The following CHN2 variants were observed in gnomAD, a reference collection of about 807,000 sequenced individuals.
CHN2 encodes the protein beta-chimaerin.
In CHN2, 35 loss-of-function variants were observed where a neutral mutation model predicts 56.3. The observed-to-expected ratio is 0.62, with a 90% CI of 0.47 to 0.82. The LOEUF is 0.82. CHN2 is among the 40% of genes least tolerant of loss of function. The pLI, the probability that CHN2 is intolerant of heterozygous loss-of-function variation, is 0.00. For missense variants in CHN2, 491 were observed against 580.5 expected, an observed-to-expected ratio of 0.85 and a Z score of 1.58; for synonymous variants, 210 against 212.8, an observed-to-expected ratio of 0.99 and a Z score of 0.12.
chr7:29,254,994 C>T (rs1385885389), intron 1 of CHN2, among the ~76,000 whole-genome samples: 1 of 152,120 alleles, frequency 6.6e-6, no homozygotes, highest in Non-Finnish European at 1.5e-5. Context: ...GCGTGCAGGT[C>T]ATAGAGTGGT....
intron 1 of CHN2, among the ~76,000 whole-genome samples, chr7:29,343,989 G>T (rs565169169): frequency 6.6e-6 from 1 of 152,154 alleles, no homozygotes; most frequent in Non-Finnish European, 1.5e-5. Flanking sequence ...CCCTTTCTGT[G>T]AATGGCATCA....
chr7:29,383,307 T>C (rs1800668847), intron 3 of CHN2, among the ~76,000 whole-genome samples: 2 of 152,122 alleles, frequency 1.3e-5, no homozygotes. Context: ...GCTGATGGTG[T>C]TGATTCCAGT....
intron 6 of CHN2, among the ~76,000 whole-genome samples, chr7:29,412,518 G>C (rs1330098338): frequency 6.6e-6 from 1 of 151,752 alleles, no homozygotes; most frequent in Non-Finnish European, 1.5e-5. Flanking sequence ...TTTTAGTAGA[G>C]ACAGGTTTCA....
intron 3 of CHN2, among the ~76,000 whole-genome samples, chr7:29,379,795 C>T (rs190537076): frequency 6.6e-6 from 1 of 152,140 alleles, no homozygotes; most frequent in African/African-American, 2.4e-5. Context: ...GTCGAAAACA[C>T]TATAAGCCAT....
intron 3 of CHN2, among the ~76,000 whole-genome samples, chr7:29,378,638 G>T (rs1481462446): frequency 1.3e-5 from 2 of 152,190 alleles, no homozygotes; most frequent in African/African-American, 2.4e-5. Flanking sequence ...AAAAAAGTTT[G>T]CCGACCCCTG....
At position 29,509,382 on chromosome 7, in the gene CHN2, G is replaced by A. The variant is rs201722294; in HGVS notation, c.1211G>A (p.Arg404Gln). The A allele has an allele frequency of 1.6e-5, 26 of 1,613,770 alleles. No homozygotes were observed. Among genetic ancestry groups the A allele is most frequent in the Middle Eastern group, 1.6e-4 (1 of 6,062 alleles). The change falls in exon 12 of 13, where the codon CGG becomes CAG. Residue 404 changes from arginine to glutamine, a missense_variant. Coordinates refer to ENST00000222792, the MANE Select transcript of CHN2 (RefSeq NM_004067.4). The stretch of plus-strand genomic sequence containing the variant: ...CCTCCTGCCCACTATGAAACCCTCC[G>A]GTACCTAATGATCCACCTCAAAAAG... Reference protein sequence around the residue: ...LLPPAHYETLRYLMIHLKKVT... With the variant: ...LLPPAHYETLQYLMIHLKKVT...
intron 1 of CHN2, among the ~76,000 whole-genome samples, chr7:29,233,424 CA>C (rs1264053125): frequency 6.6e-6 from 1 of 152,166 alleles, no homozygotes; most frequent in Non-Finnish European, 1.5e-5. Context: ...GTGCTCAAAA[CA>C]GGTGTGAAGT....
chr7:29,180,248 G>A (rs76701628), intron 2 of CHN2, among the ~76,000 whole-genome samples: 1,775 of 152,204 alleles, frequency 0.012, 21 homozygotes, highest in African/African-American at 0.037. Flanking sequence ...CATCTAGGCC[G>A]GGTGTGGTGG....
chr7:29,224,820 C>T (rs1786069248), intron 1 of CHN2, among the ~76,000 whole-genome samples: 1 of 152,120 alleles, frequency 6.6e-6, no homozygotes, highest in South Asian at 2.1e-4. Flanking sequence ...TTGTTATATG[C>T]CTTATGCCAT....
chr7:29,387,338 T>C (rs927488678), intron 3 of CHN2, among the ~76,000 whole-genome samples: 17 of 152,234 alleles, frequency 1.1e-4, no homozygotes, highest in Admixed American at 3.9e-4. Flanking sequence ...AATAATCTAC[T>C]CAGAGTCCCA....
At chr7:29,212,293 A>G (rs1345608557) in intron 1 of CHN2, 14 of 1,162,650 alleles carry the variant, frequency 1.2e-5, no homozygotes, top group South Asian at 3.7e-5. Context: ...CTCTTCCTCA[A>G]TACTAACATG....
Position 29,167,949 on chromosome 7 carries a change from C to G in CHN2, c.274+20989C>G, listed in dbSNP as rs138814622. 3.5e-4 allele frequency among the ~76,000 whole-genome samples: 53 copies of G among 152,296 alleles called. 1 individual carries two copies. Among genetic ancestry groups the G allele is most frequent in the African/African-American group, 1.1e-3 (45 of 41,570 alleles). On this transcript the variant is annotated intron_variant, in intron 2 of 6. Coordinates refer to the CHN2 transcript ENST00000439384. The stretch of plus-strand genomic sequence containing the variant: ...AGGAGGCCTACAACATCGGAGGTAA[C>G]TGTTGTGTGACCCTGGGAACATGAG...
intron 1 of CHN2, among the ~76,000 whole-genome samples, chr7:29,318,780 C>T (rs946517512): frequency 6.6e-6 from 1 of 152,274 alleles, no homozygotes; most frequent in East Asian, 1.9e-4. Flanking sequence ...TAACAAATAG[C>T]TATTACCTTT....
chr7:29,271,637 C>CA (rs1335958423), intron 1 of CHN2, among the ~76,000 whole-genome samples: 2 of 152,176 alleles, frequency 1.3e-5, no homozygotes, highest in South Asian at 2.1e-4. Context: ...AAGGAAGAAA[C>CA]AGAGTGACTT....
chr7:29,362,314 G>A (rs1035910636), intron 2 of CHN2, among the ~76,000 whole-genome samples: 3 of 152,154 alleles, frequency 2.0e-5, no homozygotes, highest in Admixed American at 2.0e-4. Flanking sequence ...AGGCAACCCC[G>A]CTACCTTATT....
intron 1 of CHN2, among the ~76,000 whole-genome samples, chr7:29,285,765 C>A (rs1404738876): frequency 2.0e-5 from 3 of 152,164 alleles, no homozygotes; most frequent in Non-Finnish European, 4.4e-5. Flanking sequence ...TTATGTCATC[C>A]AACAATATTG....
At chr7:29,179,120 G>C (rs1797745414) in intron 2 of CHN2, among the ~76,000 whole-genome samples, 1 of 152,136 alleles carries the variant, frequency 6.6e-6, no homozygotes, top group African/African-American at 2.4e-5. Flanking sequence ...AGTCCTCATG[G>C]ACCCTTTGAA....
chr7:29,217,154 A>G (rs1215281821), intron 1 of CHN2, among the ~76,000 whole-genome samples: 2 of 152,252 alleles, frequency 1.3e-5, no homozygotes, highest in Non-Finnish European at 2.9e-5. Context: ...ATACTGACCT[A>G]GAAAATGAAA....
chr7:29,258,785 G>C (rs937382805), intron 1 of CHN2, among the ~76,000 whole-genome samples: 1 of 152,222 alleles, frequency 6.6e-6, no homozygotes, highest in Non-Finnish European at 1.5e-5. Flanking sequence ...ACTGATGAGT[G>C]TGTAGAACTT....
Sources: allele counts gnomAD v4.1 joint callset (sites outside exome capture counted in the v4.1 genomes callset), GRCh38; gene constraint gnomAD v4.1.1; transcripts MANE v1.5; gene names NCBI Gene and HGNC (gene_info 2026-07-23, HGNC 2026-07-21).